Variants in CELF2 observed in about 807,000 individuals in gnomAD.
CELF2 encodes CUGBP Elav-like family member 2.
CELF2 carries 8 observed loss-of-function variants against 62.6 expected under a neutral mutation model. The observed-to-expected ratio is 0.13, with a 90% CI of 0.07 to 0.23. CELF2 has a LOEUF of 0.23. CELF2 is among the 10% of genes least tolerant of loss of function. The probability of loss-of-function intolerance (pLI) is 1.00; values close to 1 mark genes in which losing one functional copy is unlikely to be tolerated. For synonymous variants in CELF2, 258 were observed against 250.0 expected (o/e 1.03, Z -0.30); for missense variants, 333 against 671.0 (o/e 0.50, Z 5.56).
At chr10:11,209,149 G>A (rs142884219) in intron 2 of CELF2, among the ~76,000 whole-genome samples, 126 of 152,180 alleles carry the variant, frequency 8.3e-4, no homozygotes, top group African/African-American at 2.5e-3. Context: ...AGCCATCTGC[G>A]TTCAGCATCA....
intron 1 of CELF2, among the ~76,000 whole-genome samples, chr10:10,908,034 C>T (rs1329545107): frequency 6.6e-6 from 1 of 151,984 alleles, no homozygotes; most frequent in Non-Finnish European, 1.5e-5. Flanking sequence ...CCTTTATGCT[C>T]AGGACTCAAA....
chr10:11,215,196 C>T (rs771533422), intron 2 of CELF2, among the ~76,000 whole-genome samples: 26 of 152,192 alleles, frequency 1.7e-4, no homozygotes, highest in Non-Finnish European at 2.8e-4. Context: ...TCTCAGGCAG[C>T]GAGCCATGGC....
intron 1 of CELF2, among the ~76,000 whole-genome samples, chr10:10,847,505 CTG>C (rs548423844): frequency 3.9e-5 from 6 of 152,188 alleles, no homozygotes; most frequent in South Asian, 2.1e-4. Context: ...CCTCCTCACT[CTG>C]TAAACATTCA....
chr10:10,570,168 G>GGGA, the CELF2 span, among the ~76,000 whole-genome samples: 96 of 152,244 alleles, frequency 6.3e-4, no homozygotes, highest in Non-Finnish European at 1.1e-3. Context: ...GGGCATTGAG[G>GGGA]GGAGCAGAGC....
chr10:11,128,728 G>A (rs943091270), intron 1 of CELF2, among the ~76,000 whole-genome samples: 2 of 152,208 alleles, frequency 1.3e-5, no homozygotes, highest in African/African-American at 2.4e-5. Context: ...CATGGATTTT[G>A]TATCCCGAGA....
At chr10:10,660,443 C>G in the CELF2 span, among the ~76,000 whole-genome samples, 3 of 152,212 alleles carry the variant, frequency 2.0e-5, no homozygotes, top group East Asian at 1.9e-4. Flanking sequence ...CTTACTGATG[C>G]TGTGGGTGTT....
In CELF2 at chr10:10,825,355, G is replaced by A. The variant is rs193154218; in HGVS notation, c.53+26538G>A. 1.2e-3 allele frequency among the ~76,000 whole-genome samples: 178 copies of A among 152,132 alleles called. 1 individual carries two copies. Among genetic ancestry groups the A allele is most frequent in the Non-Finnish European group, 1.7e-3 (117 of 67,980 alleles). Reference sequence around the variant, plus strand: ...CTCCCAAGTAGCTGGCACTACAGGCGCCCGCCACCAAGCCCAGCTAATTTT... The same window carrying A: ...CTCCCAAGTAGCTGGCACTACAGGCACCCGCCACCAAGCCCAGCTAATTTT... On this transcript the variant is annotated intron_variant, in intron 1 of 13. Transcript: ENST00000636488.
At chr10:11,230,553 C>T (rs985470875) in intron 3 of CELF2, among the ~76,000 whole-genome samples, 10 of 152,330 alleles carry the variant, frequency 6.6e-5, no homozygotes, top group Admixed American at 2.6e-4. Flanking sequence ...TCCTTCCAGA[C>T]ATTCTGAAGG....
In CELF2 at chr10:11,332,497, A is replaced by G. The variant is rs1486360644; in HGVS notation, c.*3444A>G. ...GTTCTTTATCACAATTTACTGACCA[A>G]ATACCTAGCACCAGTTCCTGCTGCC... On this transcript the variant is annotated 3_prime_UTR_variant, in exon 13 of 13. Coordinates refer to ENST00000633077, the MANE Select transcript of CELF2 (RefSeq NM_001326342.2). The G allele has an allele frequency of 2.8e-4, 42 of 152,552 alleles. 1 individual carries two copies. Among genetic ancestry groups the G allele is most frequent in the Non-Finnish European group, 1.0e-4 (7 of 68,014 alleles). The allele number at this position is 152,552 out of a possible 1,614,324, so 9.4% of individuals were successfully genotyped here. A position where few individuals can be genotyped will look rare whatever the true frequency, so the allele number is the denominator to read the frequency against.
chr10:11,120,339 CT>C (rs1421607871), intron 1 of CELF2, among the ~76,000 whole-genome samples: 1 of 152,128 alleles, frequency 6.6e-6, no homozygotes, highest in Non-Finnish European at 1.5e-5. Flanking sequence ...CCCTGTGCTC[CT>C]TCCCCCTAGA....
At chr10:11,299,309 G>A (rs976476289) in intron 9 of CELF2, among the ~76,000 whole-genome samples, 2 of 152,246 alleles carry the variant, frequency 1.3e-5, no homozygotes, top group African/African-American at 2.4e-5. Context: ...CTGAGTCCAC[G>A]CGGCGCCCCA....
chr10:10,852,021 G>T (rs2059411786), intron 1 of CELF2, among the ~76,000 whole-genome samples: 1 of 152,168 alleles, frequency 6.6e-6, no homozygotes, highest in African/African-American at 2.4e-5. Flanking sequence ...TGCTACAGTT[G>T]CTTTAGAAAA....
At chr10:11,015,300 C>T (rs1273102326), upstream of CELF2, among the ~76,000 whole-genome samples, 101 of 152,158 alleles carry the variant, frequency 6.6e-4, 1 homozygote, top group South Asian at 2.1e-4. This position sits in a 1 kb window ranked among gnomAD's most constrained non-coding sequence, Gnocchi z 4.8. Flanking sequence ...TTCTCAAGAG[C>T]TTTTGAAATT....
At chr10:10,779,096 C>A in the CELF2 span, among the ~76,000 whole-genome samples, 1 of 152,198 alleles carries the variant, frequency 6.6e-6, no homozygotes, top group South Asian at 2.1e-4. Context: ...CATCTTTCCC[C>A]ATTCACCCTT....
intron 1 of CELF2, among the ~76,000 whole-genome samples, chr10:11,087,107 C>T (rs375022880): frequency 6.6e-6 from 1 of 152,176 alleles, no homozygotes; most frequent in Non-Finnish European, 1.5e-5. Flanking sequence ...ATATAAAGCA[C>T]TGTGACATCA....
chr10:11,317,206 G>A (rs2095074806), intron 10 of CELF2: 1 of 151,868 alleles, frequency 6.6e-6, no homozygotes, highest in Non-Finnish European at 1.5e-5. Context: ...GCAGATGCCT[G>A]GTGAAAAGTG....
At chr10:10,872,126 C>T (rs1464858157) in intron 1 of CELF2, among the ~76,000 whole-genome samples, 2 of 152,112 alleles carry the variant, frequency 1.3e-5, no homozygotes, top group East Asian at 1.9e-4. Flanking sequence ...CTCAACCTTC[C>T]CCATGTGGGT....
the CELF2 span, among the ~76,000 whole-genome samples, chr10:10,690,056 T>C: frequency 6.6e-6 from 1 of 152,192 alleles, no homozygotes; most frequent in Admixed American, 6.5e-5. Context: ...AATGTCCATA[T>C]ATGGGTGCTA....
At chr10:11,007,519 A>G (rs1321659683) in intron 1 of CELF2, among the ~76,000 whole-genome samples, 2 of 152,232 alleles carry the variant, frequency 1.3e-5, no homozygotes. Context: ...CAGCATAATC[A>G]TATTTTTTAA....
Sources: allele counts gnomAD v4.1 joint callset (sites outside exome capture counted in the v4.1 genomes callset), GRCh38; gene constraint gnomAD v4.1.1; non-coding constraint Gnocchi (gnomAD v3.1); transcripts MANE v1.5; gene names NCBI Gene and HGNC (gene_info 2026-07-23, HGNC 2026-07-21).